The following DCC variants were observed in gnomAD, a reference collection of about 807,000 sequenced individuals.
DCC encodes the protein netrin receptor DCC.
In DCC, 58 loss-of-function variants were observed where a neutral mutation model predicts 172.5. The ratio of observed to expected loss-of-function variants is 0.34; its 90% CI spans 0.27 to 0.42. DCC has a LOEUF of 0.42. Ranked by LOEUF, DCC falls within the 10% of genes least tolerant of loss-of-function variation. DCC has a pLI of 1.00. For synonymous variants in DCC, 709 were observed against 644.5 expected, an observed-to-expected ratio of 1.10 and a Z score of -1.52; for missense variants, 1,740 against 1,791.0, an observed-to-expected ratio of 0.97 and a Z score of 0.51.
chr18:53,104,670 G>A (rs1259220721), intron 7 of DCC, among the ~76,000 whole-genome samples: 2 of 152,046 alleles, frequency 1.3e-5, no homozygotes, highest in Non-Finnish European at 2.9e-5. Context: ...CAATGAGCTT[G>A]AGTATGTCTG....
chr18:53,353,240 C>T (rs562124575), intron 15 of DCC, among the ~76,000 whole-genome samples: 1 of 150,324 alleles, frequency 6.7e-6, no homozygotes, highest in East Asian at 2.0e-4. Context: ...CGCCATTGCA[C>T]TCCAGCATGG....
chr18:52,421,241 C>T (rs1003846226), intron 1 of DCC, among the ~76,000 whole-genome samples: 10 of 152,104 alleles, frequency 6.6e-5, no homozygotes, highest in Admixed American at 2.0e-4. Context: ...GTGCACATGC[C>T]TCTCAGAAAT....
intron 4 of DCC, among the ~76,000 whole-genome samples, 175 bp downstream of exon 4, chr18:52,924,032 G>A (rs1366164842): frequency 2.0e-5 from 3 of 152,048 alleles, no homozygotes; most frequent in Non-Finnish European, 4.4e-5. Flanking sequence ...TAGCCACTGG[G>A]ATGAGAAGAT....
chr18:52,955,992 C>T (rs528665609), intron 5 of DCC, among the ~76,000 whole-genome samples: 2 of 151,428 alleles, frequency 1.3e-5, no homozygotes, highest in African/African-American at 2.4e-5. Flanking sequence ...GCATGTCTTA[C>T]AAAGGTTTTC....
chr18:53,297,729 A>T (rs970362947), intron 12 of DCC, among the ~76,000 whole-genome samples: 10 of 152,216 alleles, frequency 6.6e-5, no homozygotes, highest in African/African-American at 2.2e-4. Context: ...AAGATGCCTT[A>T]TAACATTAAT....
In DCC at chr18:53,500,459, G is replaced by GACTA. The variant is rs1447538367; in HGVS notation, c.4111+953_4111+956dup. On this transcript the variant is annotated intron_variant, in intron 27 of 28. Transcript: ENST00000442544. ...TAATCTACATTATGCTCATACATTT[G>GACTA]ACTAACTTTTCTGTTACTCAGACCT... Among the ~76,000 whole-genome samples, 6 of 152,124 alleles carry GACTA rather than the reference G, an allele frequency of 3.9e-5. No homozygotes were observed. In the East Asian group the frequency reaches 9.7e-4, roughly 25 times the overall value.
intron 2 of DCC, among the ~76,000 whole-genome samples, chr18:52,795,670 C>A (rs1306306189): frequency 6.6e-6 from 1 of 151,670 alleles, no homozygotes; most frequent in East Asian, 1.9e-4. Flanking sequence ...TTTTCTAGTT[C>A]CTTAAGGTGC....
At chr18:52,832,168 A>T (rs1410260991) in intron 2 of DCC, among the ~76,000 whole-genome samples, 1 of 152,102 alleles carries the variant, frequency 6.6e-6, no homozygotes, top group Non-Finnish European at 1.5e-5. Context: ...CCTTTACATG[A>T]TGGCACCAGC....
chr18:53,348,504 G>C (rs1369020384), intron 15 of DCC, among the ~76,000 whole-genome samples: 1 of 152,136 alleles, frequency 6.6e-6, no homozygotes, highest in Non-Finnish European at 1.5e-5. Context: ...AGTGGATCTA[G>C]CATTCTGGGG....
intron 12 of DCC, among the ~76,000 whole-genome samples, chr18:53,227,358 A>C (rs1467226405): frequency 6.6e-6 from 1 of 152,134 alleles, no homozygotes; most frequent in Admixed American, 6.6e-5. Flanking sequence ...AGCATCATAC[A>C]ATCTTAATAT....
intron 1 of DCC, among the ~76,000 whole-genome samples, chr18:52,573,056 A>G (rs955838293): frequency 6.6e-6 from 1 of 152,214 alleles, no homozygotes; most frequent in African/African-American, 2.4e-5. Context: ...AATGTGATAG[A>G]AACACCTTTG....
chr18:52,977,034 C>T (rs1415706341), intron 5 of DCC, among the ~76,000 whole-genome samples: 1 of 152,162 alleles, frequency 6.6e-6, no homozygotes, highest in East Asian at 1.9e-4. Flanking sequence ...CAATGGAGAA[C>T]AAAGTTTCTC....
chr18:53,032,045 T>G (rs1195360454), intron 5 of DCC, among the ~76,000 whole-genome samples: 2 of 152,180 alleles, frequency 1.3e-5, no homozygotes. Flanking sequence ...ATATGTATAT[T>G]GTACTCAGGA....
chr18:52,940,718 A>T (rs180990507), intron 5 of DCC, among the ~76,000 whole-genome samples: 9 of 152,250 alleles, frequency 5.9e-5, no homozygotes, highest in East Asian at 5.8e-4. Context: ...ATGATGATGT[A>T]CTCTTTCTGC....
At chr18:52,944,621 A>T in intron 5 of DCC, among the ~76,000 whole-genome samples, 1 of 152,226 alleles carries the variant, frequency 6.6e-6, no homozygotes, top group Non-Finnish European at 1.5e-5. Flanking sequence ...AGTAGTCTCC[A>T]GACCAGAAAC....
chr18:52,509,627 G>C (rs2031362118), intron 1 of DCC, among the ~76,000 whole-genome samples: 1 of 152,120 alleles, frequency 6.6e-6, no homozygotes, highest in Non-Finnish European at 1.5e-5. Flanking sequence ...ACAACAGCTG[G>C]TTCACTCCTA....
chr18:53,392,273 T>TA (rs1908598114), intron 17 of DCC, among the ~76,000 whole-genome samples: 1 of 152,082 alleles, frequency 6.6e-6, no homozygotes, highest in Admixed American at 6.5e-5. Flanking sequence ...AAAGCGACCC[T>TA]ATTAATGTCA....
In DCC at chr18:52,923,799, T is replaced by G; in HGVS notation, c.790T>G (p.Ser264Ala). The G allele has an allele frequency of 1.9e-6, 3 of 1,613,414 alleles. No individual in the cohort carries two copies. The highest frequency in any genetic ancestry group is 2.5e-6 in the Non-Finnish European group (3 of 1,179,508). The change falls in exon 4 of 29, where the codon TCT becomes GCT. Residue 264 changes from serine (S) to alanine (A), a missense_variant. Physicochemically the swap from Ser to Ala is moderately conservative, Grantham distance 99. Transcript: ENST00000442544. Reference protein sequence around the residue: ...GKDAVLECCVSGYPPPSFTWL... With the variant: ...GKDAVLECCVAGYPPPSFTWL... The stretch of plus-strand genomic sequence containing the variant: ...AGATGCTGTCCTGGAATGTTGTGTT[T>G]CTGGCTATCCTCCACCAAGTTTTAC...
chr18:52,891,091 GA>G (rs2145421315), intron 2 of DCC, among the ~76,000 whole-genome samples: 1 of 152,132 alleles, frequency 6.6e-6, no homozygotes, highest in East Asian at 1.9e-4. Context: ...ATAAGCAAAG[GA>G]AATAATAATT....
Sources: gnomAD v4.1 joint callset for allele counts (sites outside exome capture counted in the v4.1 genomes callset) on GRCh38, gnomAD v4.1.1 for gene constraint, MANE v1.5 for transcripts, NCBI Gene and HGNC (gene_info 2026-07-23, HGNC 2026-07-21) for gene names.